The following TLL1 variants were observed in gnomAD, a reference collection of about 807,000 sequenced individuals.
TLL1 encodes tolloid like 1, also known as tolloid-like protein 1.
In TLL1, 49 loss-of-function variants were observed where a neutral mutation model predicts 128.2. The ratio of observed to expected loss-of-function variants is 0.38; its 90% CI spans 0.30 to 0.48. TLL1 has a LOEUF of 0.48. Among genes scored for constraint, TLL1 ranks in the 20% least tolerant of loss-of-function variants. TLL1 has a pLI of 0.96. For missense variants in TLL1, 1,123 were observed against 1,242.0 expected (o/e 0.90, Z 1.44); for synonymous variants, 454 against 418.8 (o/e 1.08, Z -1.03).
chr4:165,901,016 G>A (rs1304113479), intron 1 of TLL1, among the ~76,000 whole-genome samples: 1 of 151,126 alleles, frequency 6.6e-6, no homozygotes, highest in Non-Finnish European at 1.5e-5. Flanking sequence ...TTTTTCTTCT[G>A]CTTGGTTGAT....
At chr4:166,030,032 T>C (rs1037571146) in intron 9 of TLL1, among the ~76,000 whole-genome samples, 1 of 152,106 alleles carries the variant, frequency 6.6e-6, no homozygotes, top group Admixed American at 6.6e-5. Context: ...GATCATATGG[T>C]AGTTCTATGT....
chr4:166,086,243 C>T (rs1442455886), intron 18 of TLL1, among the ~76,000 whole-genome samples: 2 of 151,974 alleles, frequency 1.3e-5, no homozygotes, highest in African/African-American at 4.8e-5. Flanking sequence ...CTATCAGAGT[C>T]AGTTTATTAT....
At chr4:165,989,904 T>G (rs190035432) in intron 2 of TLL1, among the ~76,000 whole-genome samples, 114 of 151,990 alleles carry the variant, frequency 7.5e-4, no homozygotes, top group Admixed American at 1.6e-3. Flanking sequence ...AAAGCTTGAT[T>G]TTGTCCTCTT....
At chr4:165,902,661 C>G (rs940354984) in intron 1 of TLL1, among the ~76,000 whole-genome samples, 6 of 152,148 alleles carry the variant, frequency 3.9e-5, no homozygotes, top group Non-Finnish European at 7.4e-5. Context: ...GCAGAAATCA[C>G]CCACCATCTG....
chr4:165,950,591 G>A (rs1734464457), intron 1 of TLL1, among the ~76,000 whole-genome samples: 1 of 151,950 alleles, frequency 6.6e-6, no homozygotes, highest in South Asian at 2.1e-4. Flanking sequence ...AGTAGAAGTT[G>A]ACAACAGAAG....
chr4:166,032,083 T>A (rs553931511), intron 9 of TLL1, among the ~76,000 whole-genome samples: 1 of 152,262 alleles, frequency 6.6e-6, no homozygotes, highest in East Asian at 1.9e-4. Flanking sequence ...TTATAGAGAA[T>A]GTGTTTTTTC....
intron 1 of TLL1, among the ~76,000 whole-genome samples, chr4:165,981,494 G>C (rs968190253): frequency 6.6e-6 from 1 of 152,016 alleles, no homozygotes; most frequent in African/African-American, 2.4e-5. Context: ...GGAGATTGGA[G>C]GTTTGGATGG....
intron 1 of TLL1, among the ~76,000 whole-genome samples, chr4:165,963,843 T>A (rs1352169675): frequency 6.6e-6 from 1 of 152,046 alleles, no homozygotes; most frequent in Non-Finnish European, 1.5e-5. Flanking sequence ...AGTGAAAATG[T>A]GTGGTTGGGG....
chr4:165,985,811 A>G (rs1265103470), intron 1 of TLL1, among the ~76,000 whole-genome samples: 1 of 152,020 alleles, frequency 6.6e-6, no homozygotes, highest in African/African-American at 2.4e-5. Context: ...TTGTGCATTA[A>G]CGGCAAATAA....
chr4:165,914,780 G>A (rs902105563), intron 1 of TLL1, among the ~76,000 whole-genome samples: 17 of 152,252 alleles, frequency 1.1e-4, no homozygotes, highest in African/African-American at 4.1e-4. Flanking sequence ...AAGCAAACCT[G>A]TCCAAGATTT....
chr4:165,953,747 C>A (rs770039389), intron 1 of TLL1, among the ~76,000 whole-genome samples: 2 of 151,748 alleles, frequency 1.3e-5, no homozygotes, highest in Non-Finnish European at 2.9e-5. Context: ...GTGTACTTTT[C>A]TTTAAATCTC....
At chr4:165,910,657 A>G (rs1181774790) in intron 1 of TLL1, among the ~76,000 whole-genome samples, 2 of 152,208 alleles carry the variant, frequency 1.3e-5, no homozygotes, top group African/African-American at 2.4e-5. Flanking sequence ...GTTAACTGAA[A>G]TGCTCTGATA....
chr4:166,057,376 T>G, intron 14 of TLL1, 67 bp downstream of exon 14: 1 of 1,566,100 alleles, frequency 6.4e-7, no homozygotes, highest in Non-Finnish European at 8.6e-7. Flanking sequence ...TCTCATTCTC[T>G]GTCTGTCTTC....
chr4:165,935,166 A>G (rs1189549160), intron 1 of TLL1, among the ~76,000 whole-genome samples: 1 of 152,226 alleles, frequency 6.6e-6, no homozygotes, highest in Non-Finnish European at 1.5e-5. Context: ...TCACAAAACT[A>G]AAAGGCAGTG....
intron 1 of TLL1, among the ~76,000 whole-genome samples, chr4:165,945,895 C>G (rs76657655): frequency 1.3e-5 from 2 of 152,026 alleles, no homozygotes; most frequent in Non-Finnish European, 2.9e-5. Context: ...AAACAGCACA[C>G]GTTAAAACTG....
intron 19 of TLL1, among the ~76,000 whole-genome samples, chr4:166,095,258 G>C (rs1323686610): frequency 6.6e-6 from 1 of 151,870 alleles, no homozygotes; most frequent in Non-Finnish European, 1.5e-5. Flanking sequence ...TTCTTTACAA[G>C]TCAAAAAAAA....
chr4:166,057,413 G>A, intron 14 of TLL1, 104 bp downstream of exon 14: 1 of 1,497,708 alleles, frequency 6.7e-7, no homozygotes, highest in South Asian at 1.2e-5. Flanking sequence ...TTCCTATAGT[G>A]ACCTCTTTCC....
intron 15 of TLL1, among the ~76,000 whole-genome samples, chr4:166,063,364 G>GA (rs758883444): frequency 1.3e-4 from 20 of 152,290 alleles, no homozygotes; most frequent in Non-Finnish European, 2.4e-4. Flanking sequence ...AGGATGTGGA[G>GA]AAATAGGAAC....
At chr4:165,975,969 T>C (rs756250800) in intron 1 of TLL1, among the ~76,000 whole-genome samples, 1 of 130,530 alleles carries the variant, frequency 7.7e-6, no homozygotes, top group African/African-American at 2.9e-5. Context: ...ATCCGGGAGG[T>C]AGAGGTTGCA....
Sources: gnomAD v4.1 joint callset for allele counts (sites outside exome capture counted in the v4.1 genomes callset) on GRCh38, gnomAD v4.1.1 for gene constraint, MANE v1.5 for transcripts, NCBI Gene and HGNC (gene_info 2026-07-23, HGNC 2026-07-21) for gene names.